The following ZNF142 variants were observed in gnomAD, a reference collection of about 807,000 sequenced individuals.
ZNF142 encodes zinc finger protein 142, also known as zinc finger protein 142 (clone pHZ-49).
A neutral mutation model predicts 132.1 loss-of-function variants in ZNF142; 96 were observed. That is an observed-to-expected ratio of 0.73 (90% CI 0.62 to 0.86). The LOEUF is 0.86. Ranked by LOEUF, ZNF142 falls within the 40% of genes least tolerant of loss-of-function variation. ZNF142 has a pLI of 0.00. For missense variants in ZNF142, 2,163 were observed against 2,336.2 expected, an observed-to-expected ratio of 0.93 and a Z score of 1.53; for synonymous variants, 842 against 890.1, an observed-to-expected ratio of 0.95 and a Z score of 0.96.
intron 9 of ZNF142, among the ~76,000 whole-genome samples, 153 bp downstream of exon 9, chr2:218,641,875 A>AT: frequency 6.6e-6 from 1 of 152,164 alleles, no homozygotes; most frequent in Non-Finnish European, 1.5e-5. Flanking sequence ...GTATTATCTC[A>AT]TTTTTAACAG....
chr2:218,648,958 T>G lies in ZNF142; in HGVS notation c.1550A>C (p.Glu517Ala), dbSNP rs1464032478. ...LKETHGVRAV[E>A]CRHHSCPMLF... ...CATGGGACATGAGTGATGGCGGCAC[T>G]CCACAGCCCGCACCCCATGGGTCTC... The change falls in exon 7 of 11, where the codon GAG (glutamate) becomes GCG (alanine). Residue 517 changes from glutamate (E) to alanine (A), a missense_variant. Around this residue, in one of 7 missense-constraint regions of ZNF142, gnomAD observed 749 missense variants for 830.3 expected, o/e 0.90. Transcript: ENST00000411696. The G allele has an allele frequency of 6.2e-7, 1 of 1,612,616 alleles. No individual in the cohort carries two copies. The highest frequency in any genetic ancestry group is 2.2e-5 in the East Asian group (1 of 44,884).
At chr2:218,651,632 C>G (rs1277690583) in intron 5 of ZNF142, 69 bp downstream of exon 5, 1 of 1,202,010 alleles carries the variant, frequency 8.3e-7, no homozygotes, top group Non-Finnish European at 1.1e-6. Flanking sequence ...TTGGAAACAA[C>G]TGCCTCTCCT....
Position 218,633,561 on chromosome 2 carries a change from G to C in ZNF142, c.*4778C>G. ...ATGGCCATTATCTTCTTCTCTCTCA[G>C]ACTGCTGAGGGTTCAATTCCATCTT... On this transcript the variant is annotated 3_prime_UTR_variant, in exon 11 of 11. Coordinates refer to ENST00000411696, the MANE Select transcript of ZNF142 (RefSeq NM_001379659.1). 1.9e-6 allele frequency: 3 copies of C among 1,593,938 alleles called. No homozygotes were observed. The highest frequency in any genetic ancestry group is 2.6e-6 in the Non-Finnish European group (3 of 1,161,890).
rs1347041512 is a variant in ZNF142, at chr2:218,643,024, G to C, written c.4092C>G (p.Ala1364=). 6.2e-7 allele frequency: 1 copy of C among 1,601,998 alleles called. No homozygotes were observed. Among genetic ancestry groups the C allele is most frequent in the Non-Finnish European group, 8.5e-7 (1 of 1,173,760 alleles). Reference sequence around the variant, plus strand: ...ACTGTAGATGGGGCCGGGGCCCACGGGCTGGGGCTGCAGTGGGGTGCCTCC... The same window carrying C: ...ACTGTAGATGGGGCCGGGGCCCACGCGCTGGGGCTGCAGTGGGGTGCCTCC... ...QKRRHPTAAP[A]RGPRPHLQCG... The change falls in exon 9 of 11, where the codon GCC becomes GCG. Residue 1364 remains alanine (A), a synonymous_variant. Coordinates refer to ENST00000411696, the MANE Select transcript of ZNF142 (RefSeq NM_001379659.1).
intron 3 of ZNF142, among the ~76,000 whole-genome samples, chr2:218,657,721 C>T (rs1425261631): frequency 2.0e-5 from 3 of 152,164 alleles, no homozygotes; most frequent in African/African-American, 4.8e-5. Flanking sequence ...TGAGGCACCG[C>T]GCCGGGCCTG....
At chr2:218,653,584 A>G (rs914286021) in intron 4 of ZNF142, among the ~76,000 whole-genome samples, 11 of 151,820 alleles carry the variant, frequency 7.2e-5, no homozygotes, top group Non-Finnish European at 1.2e-4. Flanking sequence ...TCAAAAAAAA[A>G]AAAAAATTTC....
intron 6 of ZNF142, among the ~76,000 whole-genome samples, 163 bp from the exon 7 acceptor site, chr2:218,649,622 CT>C (rs1294272677): frequency 6.6e-6 from 1 of 152,212 alleles, no homozygotes; most frequent in African/African-American, 2.4e-5. Flanking sequence ...GGGTGAGAAA[CT>C]CAAGTTTTAA....
At chr2:218,655,958 G>A (rs2106277221) in intron 4 of ZNF142, among the ~76,000 whole-genome samples, 192 bp downstream of exon 4, 1 of 152,250 alleles carries the variant, frequency 6.6e-6, no homozygotes, top group Middle Eastern at 3.4e-3. Context: ...CCAAAAGCTT[G>A]GTAGAAGGCT....
Position 218,650,527 on chromosome 2 carries a change from C to G in ZNF142, c.881-1G>C. 3 of 1,568,518 alleles carry G rather than the reference C, an allele frequency of 1.9e-6. No homozygotes were observed. The highest frequency in any genetic ancestry group is 2.6e-6 in the Non-Finnish European group (3 of 1,159,550). On this transcript the variant is annotated splice_acceptor_variant, in intron 5 of 10. Transcript: ENST00000411696. LOFTEE classifies it high-confidence loss of function. ...CTCTCTCCTGGAGGCAGTTTGGGAG[C>G]TGGAGATACATAAAACTTGATAAAG...
chr2:218,636,906 T>A lies in ZNF142; in HGVS notation c.*1433A>T, dbSNP rs775955667. On this transcript the variant is annotated 3_prime_UTR_variant, in exon 11 of 11. Coordinates refer to ENST00000411696, the MANE Select transcript of ZNF142 (RefSeq NM_001379659.1). ...TACAACTAATCTTTCCCATCAACTC[T>A]GTGTGAAGGCAGGTTGCAACTAGAA... The A allele has an allele frequency of 1.3e-5, 6 of 469,024 alleles. No individual in the cohort carries two copies. The highest frequency in any genetic ancestry group is 2.0e-5 in the African/African-American group (1 of 50,602). 29.1% of individuals were successfully genotyped at this position (469,024 alleles called of 1,614,324 possible).
rs1308299791 is a variant in ZNF142 at position 218,640,550 on chromosome 2, C to A, written c.5194+114G>T. On this transcript the variant is annotated intron_variant, in intron 10 of 10. Coordinates refer to ENST00000411696, the MANE Select transcript of ZNF142 (RefSeq NM_001379659.1). ...ATACAACCCCACCCTGCTGTCTACTCCCAATGTGAAATTGATGTTGGCCCT... is the reference window on the plus strand; with the variant it reads ...ATACAACCCCACCCTGCTGTCTACTACCAATGTGAAATTGATGTTGGCCCT... The A allele has an allele frequency of 4.5e-6, 4 of 890,798 alleles. No individual in the cohort carries two copies. In the Admixed American group the frequency reaches 6.1e-5, roughly 14 times the overall value. 55.2% of individuals were successfully genotyped at this position (890,798 alleles called of 1,614,324 possible). A position where few individuals can be genotyped will look rare whatever the true frequency, so the allele number is the denominator to read the frequency against.
chr2:218,648,965 C>T lies in ZNF142; in HGVS notation c.1543G>A (p.Ala515Thr), dbSNP rs746409930. The T allele has an allele frequency of 1.1e-5, 18 of 1,612,238 alleles. No homozygotes were observed. Among genetic ancestry groups the T allele is most frequent in the Non-Finnish European group, 1.4e-5 (16 of 1,180,026 alleles). ...CATGAGTGATGGCGGCACTCCACAGCCCGCACCCCATGGGTCTCCTTCAGG... is the reference window on the plus strand; with the variant it reads ...CATGAGTGATGGCGGCACTCCACAGTCCGCACCCCATGGGTCTCCTTCAGG... The part of the protein sequence containing the change: ...KHLKETHGVR[A>T]VECRHHSCPM... Residue 515 changes from alanine to threonine, a missense_variant, in exon 7 of 11, where the codon GCT becomes ACT. Ala to Thr is a moderately conservative substitution (Grantham distance 58). Coordinates refer to ENST00000411696, the MANE Select transcript of ZNF142 (RefSeq NM_001379659.1).
chr2:218,646,193 G>A lies in ZNF142; in HGVS notation c.2029C>T (p.Arg677Ter), dbSNP rs764771389. 8 of 1,613,842 alleles carry A rather than the reference G, an allele frequency of 5.0e-6. No homozygotes were observed. Among genetic ancestry groups the A allele is most frequent in the East Asian group, 2.2e-5 (1 of 44,892 alleles). Residue 677 changes from arginine to a stop codon, truncating the protein, a stop_gained, in exon 8 of 11, where the codon CGA (arginine) becomes TGA (stop). Transcript: ENST00000411696. LOFTEE classifies it high-confidence loss of function. ...TACCTGAGGTCCCCTGCATGTTTTCGCATGTGCACACGGAGGTAGTGCTTC... is the reference window on the plus strand; with the variant it reads ...TACCTGAGGTCCCCTGCATGTTTTCACATGTGCACACGGAGGTAGTGCTTC... Reference protein sequence around the residue: ...KWKHYLRVHMRKHAGDLRYQC... With the variant: ...KWKHYLRVHM
rs1939055675 is a variant in ZNF142 at position 218,659,451 on chromosome 2, G to GC, written c.-445dup. ...CCCCCGGGGCCCGCTTTGTGCGACCGCCTCCGGCTCAGCCGCCTCTAGGAT... is the reference window on the plus strand; with the variant it reads ...CCCCCGGGGCCCGCTTTGTGCGACCGCCCTCCGGCTCAGCCGCCTCTAGGAT... On this transcript the variant is annotated 5_prime_UTR_variant, in exon 1 of 11. Transcript: ENST00000411696. This position sits in a 1 kb window ranked among gnomAD's most constrained non-coding sequence, Gnocchi z 4.4. 1 of 152,246 alleles carries GC rather than the reference G, an allele frequency of 6.6e-6. No homozygotes were observed. Among genetic ancestry groups the GC allele is most frequent in the Non-Finnish European group, 1.5e-5 (1 of 68,106 alleles). The allele number at this position is 152,246 out of a possible 1,614,324, so 9.4% of individuals were successfully genotyped here.
chr2:218,648,908 C>T lies in ZNF142; in HGVS notation c.1600G>A (p.Glu534Lys). The part of the protein sequence containing the change: ...PMLFATAEAM[E>K]AHHKSHYAFH... The stretch of plus-strand genomic sequence containing the variant: ...GCGTAGTGACTCTTGTGGTGGGCCT[C>T]CATGGCTTCGGCTGTGGCAAAGAGC... The change falls in exon 7 of 11, where the codon GAG becomes AAG. Residue 534 changes from glutamate to lysine, a missense_variant. Transcript: ENST00000411696. 6.2e-7 allele frequency: 1 copy of T among 1,614,008 alleles called. No homozygotes were observed. The highest frequency in any genetic ancestry group is 8.5e-7 in the Non-Finnish European group (1 of 1,180,042).
In ZNF142 at chr2:218,649,469, G is replaced by C; in HGVS notation, c.1049-10C>G. ...CCAGAGACCACATCCCCTGGGAAAG[G>C]GAATACAGAGAGTTGAGAGAGTGAG... On this transcript the variant is annotated splice_polypyrimidine_tract_variant and intron_variant, in intron 6 of 10. Coordinates refer to ENST00000411696, the MANE Select transcript of ZNF142 (RefSeq NM_001379659.1). 1 of 1,559,906 alleles carries C rather than the reference G, an allele frequency of 6.4e-7. No individual in the cohort carries two copies. Among genetic ancestry groups the C allele is most frequent in the South Asian group, 1.2e-5 (1 of 84,336 alleles).
At position 218,651,898 on chromosome 2, in the gene ZNF142, C is replaced by T. The variant is rs1938032794; in HGVS notation, c.683G>A (p.Arg228Gln). Reference sequence around the variant, plus strand: ...GCTCCCGAAAAGCAGGGGGCAGCCCCGGAAAGAACAGGGCACAGGAACTGC... The same window carrying T: ...GCTCCCGAAAAGCAGGGGGCAGCCCTGGAAAGAACAGGGCACAGGAACTGC... ...HRAVPVPCSFRGCPLLFGSQQ... is the reference protein window; with the variant it reads ...HRAVPVPCSFQGCPLLFGSQQ... The change falls in exon 5 of 11, where the codon CGG (arginine) becomes CAG (glutamine). Residue 228 changes from arginine (R) to glutamine (Q), a missense_variant. Arg to Gln is a conservative substitution (Grantham distance 43). Coordinates refer to ENST00000411696, the MANE Select transcript of ZNF142 (RefSeq NM_001379659.1). 7.8e-7 allele frequency: 1 copy of T among 1,287,444 alleles called. No homozygotes were observed. The highest frequency in any genetic ancestry group is 1.0e-6 in the Non-Finnish European group (1 of 986,788). 79.8% of individuals were successfully genotyped at this position (1,287,444 alleles called of 1,614,324 possible).
Position 218,637,677 on chromosome 2 carries a change from C to T in ZNF142, c.*662G>A. Among the ~76,000 whole-genome samples the T allele has an allele frequency of 6.6e-6, 1 of 152,180 alleles. No individual in the cohort carries two copies. The highest frequency in any genetic ancestry group is 1.9e-4 in the East Asian group (1 of 5,198). ...TTCTAGGAGGAGGCTTAGTGGGTAG[C>T]AATCCTCCCTCTATAGATACAGGTA... On this transcript the variant is annotated 3_prime_UTR_variant, in exon 11 of 11. Coordinates refer to ENST00000411696, the MANE Select transcript of ZNF142 (RefSeq NM_001379659.1).
chr2:218,635,786 C>G lies in ZNF142; in HGVS notation c.*2553G>C. ...CAGGAACTTGTGAGATTCCAGAGCC[C>G]TGACTACAGGTGATCAGCGGTCAGC... On this transcript the variant is annotated 3_prime_UTR_variant, in exon 11 of 11. Coordinates refer to ENST00000411696, the MANE Select transcript of ZNF142 (RefSeq NM_001379659.1). 2 of 1,610,356 alleles carry G rather than the reference C, an allele frequency of 1.2e-6. No homozygotes were observed. The highest frequency in any genetic ancestry group is 1.7e-6 in the Non-Finnish European group (2 of 1,178,378).
Sources: gnomAD v4.1 joint callset for allele counts (sites outside exome capture counted in the v4.1 genomes callset) on GRCh38, gnomAD v4.1.1 for gene constraint, gnomAD v4.1.1 regional missense constraint, Gnocchi (gnomAD v3.1) non-coding constraint, MANE v1.5 for transcripts, NCBI Gene and HGNC (gene_info 2026-07-23, HGNC 2026-07-21) for gene names.